The following LRRC2 variants were observed in gnomAD, a reference collection of about 807,000 sequenced individuals.
LRRC2 encodes the protein leucine rich repeat containing 2.
Under a neutral mutation model 40.2 loss-of-function variants are expected in LRRC2, and 27 were observed. The ratio of observed to expected loss-of-function variants is 0.67; its 90% CI spans 0.49 to 0.93. The LOEUF is 0.93. LRRC2 is among the 40% of genes least tolerant of loss of function. The pLI is 0.00. For missense variants in LRRC2, 402 were observed against 439.6 expected (o/e 0.91, Z 0.76); for synonymous variants, 147 against 158.9 (o/e 0.92, Z 0.56).
At chr3:46,564,421 AG>A (rs1023243247) in intron 1 of LRRC2, among the ~76,000 whole-genome samples, 28 of 151,590 alleles carry the variant, frequency 1.8e-4, no homozygotes, top group Admixed American at 3.9e-4. Flanking sequence ...TGCCAGGGGG[AG>A]GGGGGGTTTT....
At chr3:46,521,011 C>A (rs1203013189) in intron 8 of LRRC2, among the ~76,000 whole-genome samples, 1 of 152,132 alleles carries the variant, frequency 6.6e-6, no homozygotes, top group African/African-American at 2.4e-5. Flanking sequence ...AGGTACTTGA[C>A]CCCCCTCGCC....
rs753589230 is a variant in LRRC2 at position 46,539,034 on chromosome 3, A to G, written c.490+11T>C. On this transcript the variant is annotated intron_variant, in intron 4 of 8. Transcript: ENST00000395905. ...ACCAGAGGCCCGAAGACCCCTGCTAAGTTGACATACCGATTTCTGCTGGAA... is the reference window on the plus strand; with the variant it reads ...ACCAGAGGCCCGAAGACCCCTGCTAGGTTGACATACCGATTTCTGCTGGAA... 1.7e-5 allele frequency: 27 copies of G among 1,613,002 alleles called. No homozygotes were observed. The highest frequency in any genetic ancestry group is 1.7e-5 in the Non-Finnish European group (20 of 1,179,552).
chr3:46,546,715 C>CTTTTTTTTTTTTTTTTTTT (rs71098416), intron 2 of LRRC2, among the ~76,000 whole-genome samples: 1 of 106,600 alleles, frequency 9.4e-6, no homozygotes, highest in Non-Finnish European at 1.8e-5. Context: ...CAATTTGCTC[C>CTTTTTTTTTTTTTTTTTTT]TTTTTTTTTT....
At chr3:46,556,739 C>T (rs1171943966) in intron 1 of LRRC2, among the ~76,000 whole-genome samples, 7 of 151,764 alleles carry the variant, frequency 4.6e-5, no homozygotes, top group Admixed American at 2.6e-4. Context: ...CCACCACGCC[C>T]GGCTAATTTT....
At chr3:46,521,922 C>T (rs17078932) in intron 7 of LRRC2, among the ~76,000 whole-genome samples, 2 of 152,082 alleles carry the variant, frequency 1.3e-5, no homozygotes, top group African/African-American at 4.8e-5. Context: ...TACAGGAGGC[C>T]ATGGAGTGGA....
intron 1 of LRRC2, 71 bp downstream of exon 1, chr3:46,566,106 C>T (rs956135535): frequency 3.3e-5 from 5 of 152,382 alleles, no homozygotes; most frequent in African/African-American, 1.2e-4. Flanking sequence ...GGCCATCCGC[C>T]CGCGTCCTCC....
intron 4 of LRRC2, among the ~76,000 whole-genome samples, chr3:46,536,243 C>T (rs1464497802): frequency 6.6e-6 from 1 of 152,216 alleles, no homozygotes; most frequent in Non-Finnish European, 1.5e-5. Context: ...TTACATTTTA[C>T]ACCTTTCTAG....
At chr3:46,553,972 T>G (rs1704726518) in intron 1 of LRRC2, among the ~76,000 whole-genome samples, 1 of 151,984 alleles carries the variant, frequency 6.6e-6, no homozygotes, top group African/African-American at 2.4e-5. Context: ...TGAGACTGCC[T>G]TTGTTTGTTG....
chr3:46,555,470 G>A (rs1704771040), intron 1 of LRRC2, among the ~76,000 whole-genome samples: 1 of 151,546 alleles, frequency 6.6e-6, no homozygotes, highest in Non-Finnish European at 1.5e-5. Context: ...ACATTTTTTA[G>A]AATTCCATTT....
rs146344015 is a variant in LRRC2 at position 46,551,568 on chromosome 3, G to A, written c.24C>T (p.Phe8=). ...ACAAGGCTCTGATGACAGAAATGTC[G>A]AAGACAACCACTTTATGTCCCATTT... MGHKVVV[F]DISVIRALWE... is the part of the protein sequence containing the mutation. The change falls in exon 2 of 9, where the codon TTC becomes TTT. Residue 8 remains phenylalanine, a synonymous_variant. Coordinates refer to ENST00000395905, the MANE Select transcript of LRRC2 (RefSeq NM_024512.5). 432 of 1,613,326 alleles carry A rather than the reference G, an allele frequency of 2.7e-4. No homozygotes were observed. Among genetic ancestry groups the A allele is most frequent in the South Asian group, 4.8e-4 (44 of 90,800 alleles).
rs1313184868 is a variant in LRRC2 at position 46,527,413 on chromosome 3, C to T, written c.929+13G>A. ...TGTCTGAGTGTGTCTACTGGGATTTCCGGGCTACTCACTTTAAAGGTGTGG... is the reference window on the plus strand; with the variant it reads ...TGTCTGAGTGTGTCTACTGGGATTTTCGGGCTACTCACTTTAAAGGTGTGG... On this transcript the variant is annotated intron_variant, in intron 7 of 8. Coordinates refer to ENST00000395905, the MANE Select transcript of LRRC2 (RefSeq NM_024512.5). The T allele has an allele frequency of 6.2e-7, 1 of 1,613,542 alleles. No individual in the cohort carries two copies. The highest frequency in any genetic ancestry group is 2.2e-5 in the East Asian group (1 of 44,876).
chr3:46,523,020 C>A (rs758699794), intron 7 of LRRC2, among the ~76,000 whole-genome samples: 4 of 152,058 alleles, frequency 2.6e-5, no homozygotes, highest in Non-Finnish European at 4.4e-5. Context: ...AAGATATGAG[C>A]CACGAGTGTT....
chr3:46,542,892 C>T lies in LRRC2; in HGVS notation c.333+2154G>A, dbSNP rs77851419. On this transcript the variant is annotated intron_variant, in intron 3 of 8. Coordinates refer to ENST00000395905, the MANE Select transcript of LRRC2 (RefSeq NM_024512.5). ...AGGGCCGCAGCAGATCTCTCTCTAC[C>T]TAGTCCCTAAGGCCCCAGAAGCTCC... is the stretch of plus-strand genomic sequence containing the variant. Among the ~76,000 whole-genome samples, 690 of 152,312 alleles carry T rather than the reference C, an allele frequency of 4.5e-3. 10 individuals carry two copies. The highest frequency in any genetic ancestry group is 0.015 in the African/African-American group (642 of 41,544).
At chr3:46,551,108 C>T (rs1425769131) in intron 2 of LRRC2, 1 of 164,162 alleles carries the variant, frequency 6.1e-6, no homozygotes, top group Non-Finnish European at 1.3e-5. Flanking sequence ...CCCCAAGCTG[C>T]CCCAGATGGC....
intron 1 of LRRC2, among the ~76,000 whole-genome samples, chr3:46,560,017 T>G (rs1704899541): frequency 6.6e-6 from 1 of 152,186 alleles, no homozygotes; most frequent in Non-Finnish European, 1.5e-5. Flanking sequence ...GATTTACATG[T>G]GATGTCCAGA....
intron 3 of LRRC2, among the ~76,000 whole-genome samples, chr3:46,543,649 T>A (rs911619027): frequency 2.8e-4 from 38 of 136,236 alleles, no homozygotes; most frequent in East Asian, 1.3e-3. Context: ...ATAATAATAA[T>A]AAATAATAAA....
At chr3:46,552,381 T>TAAA (rs59750352) in intron 1 of LRRC2, among the ~76,000 whole-genome samples, 1 of 144,882 alleles carries the variant, frequency 6.9e-6, no homozygotes. Context: ...TATTTAAATC[T>TAAA]AAAAAAAAAA....
intron 7 of LRRC2, among the ~76,000 whole-genome samples, chr3:46,526,566 A>T (rs1283901855): frequency 6.6e-6 from 1 of 152,250 alleles, no homozygotes; most frequent in Admixed American, 6.5e-5. Flanking sequence ...TTTTGTGCTT[A>T]TACAGATATG....
At chr3:46,561,540 AAC>A (rs2107062785) in intron 1 of LRRC2, among the ~76,000 whole-genome samples, 1 of 147,446 alleles carries the variant, frequency 6.8e-6, no homozygotes, top group Non-Finnish European at 1.5e-5. Context: ...GTCTCAAAAA[AAC>A]AAAAAGAGAG....
Sources: gnomAD v4.1 joint callset for allele counts (sites outside exome capture counted in the v4.1 genomes callset) on GRCh38, gnomAD v4.1.1 for gene constraint, MANE v1.5 for transcripts, NCBI Gene and HGNC (gene_info 2026-07-23, HGNC 2026-07-21) for gene names.